ULK4: variants seen among roughly 807,000 people sequenced by gnomAD.
The protein encoded by ULK4 is inactive serine/threonine-protein kinase ULK4.
Under a neutral mutation model 160.6 loss-of-function variants are expected in ULK4, and 133 were observed. The ratio of observed to expected loss-of-function variants is 0.83; its 90% confidence interval spans 0.72 to 0.96. The LOEUF is 0.96. Ranked by LOEUF, ULK4 falls within the 40% of genes least tolerant of loss-of-function variation. The pLI is 0.00. For missense variants in ULK4, 1,580 were observed against 1,499.5 expected (o/e 1.05, Z -0.89); for synonymous variants, 534 against 539.8 (o/e 0.99, Z 0.15).
intron 27 of ULK4, among the ~76,000 whole-genome samples, chr3:41,684,645 C>T (rs901378092): frequency 1.3e-5 from 2 of 152,190 alleles, no homozygotes; most frequent in Non-Finnish European, 2.9e-5. Flanking sequence ...GGGCTTTTGT[C>T]ATCTTTTGCT....
In ULK4 at chr3:41,668,192, T is replaced by C. The variant is rs73828209; in HGVS notation, c.2979-4493A>G. Among the ~76,000 whole-genome samples, 13 of 152,216 alleles carry C rather than the reference T, an allele frequency of 8.5e-5. No homozygotes were observed. The East Asian group carries it at 1.5e-3, about 18-fold the overall frequency. Reference sequence around the variant, plus strand: ...TCTCAACAGAGTGTGCTCTGAGAATTTGAAGGAGTGATTCCAGAATAATCA... The same window carrying C: ...TCTCAACAGAGTGTGCTCTGAGAATCTGAAGGAGTGATTCCAGAATAATCA... On this transcript the variant is annotated intron_variant, in intron 29 of 36. Coordinates refer to ENST00000301831, the MANE Select transcript of ULK4 (RefSeq NM_017886.4).
At chr3:41,494,490 AC>A (rs1173221558) in intron 32 of ULK4, among the ~76,000 whole-genome samples, 1 of 150,024 alleles carries the variant, frequency 6.7e-6, no homozygotes, top group Non-Finnish European at 1.5e-5. Context: ...ATGGGCAAAA[AC>A]TGGAAGCATT....
chr3:41,391,096 G>A (rs145132601), intron 35 of ULK4, among the ~76,000 whole-genome samples: 41 of 151,882 alleles, frequency 2.7e-4, no homozygotes, highest in Middle Eastern at 3.4e-3. Context: ...CATATTTATC[G>A]TCCAGGTCCA....
chr3:41,900,239 C>A (rs1698304408), intron 13 of ULK4, among the ~76,000 whole-genome samples: 1 of 152,128 alleles, frequency 6.6e-6, no homozygotes, highest in Non-Finnish European at 1.5e-5. Flanking sequence ...CCCATCGTCT[C>A]CCCTGCAGTC....
At chr3:41,664,851 A>T (rs1319933094) in intron 29 of ULK4, among the ~76,000 whole-genome samples, 1 of 152,216 alleles carries the variant, frequency 6.6e-6, no homozygotes, top group Non-Finnish European at 1.5e-5. Context: ...ACCAAAGAGA[A>T]TAAAACTCAA....
intron 32 of ULK4, among the ~76,000 whole-genome samples, chr3:41,531,530 A>G (rs1175416886): frequency 6.6e-6 from 1 of 151,730 alleles, no homozygotes; most frequent in African/African-American, 2.4e-5. Context: ...AAAAGAAAAA[A>G]AAAAGAAATA....
At chr3:41,460,758 C>A (rs1244995472) in intron 33 of ULK4, among the ~76,000 whole-genome samples, 1 of 152,108 alleles carries the variant, frequency 6.6e-6, no homozygotes, top group African/African-American at 2.4e-5. Flanking sequence ...GTCACCTTCA[C>A]CGGGCCAGGT....
chr3:41,566,275 T>C, intron 31 of ULK4, 145 bp from the exon 32 acceptor site: 4 of 678,132 alleles, frequency 5.9e-6, no homozygotes, highest in Non-Finnish European at 7.4e-6. Flanking sequence ...AGCACATCCT[T>C]CTATGTTAAG....
chr3:41,835,582 C>A (rs1575797955), intron 18 of ULK4, among the ~76,000 whole-genome samples: 1 of 152,274 alleles, frequency 6.6e-6, no homozygotes, highest in South Asian at 2.1e-4. Flanking sequence ...TTGGGAGTAC[C>A]TTAGGGACTT....
intron 17 of ULK4, among the ~76,000 whole-genome samples, chr3:41,852,499 G>A (rs2042240712): frequency 6.6e-6 from 1 of 151,948 alleles, no homozygotes; most frequent in South Asian, 2.1e-4. Context: ...CCTACTGAAA[G>A]GAACAAAAAA....
intron 35 of ULK4, among the ~76,000 whole-genome samples, chr3:41,274,475 T>A (rs1241672236): frequency 6.6e-6 from 1 of 152,158 alleles, no homozygotes; most frequent in Non-Finnish European, 1.5e-5. Context: ...CTGATACACA[T>A]CAGTTCAGTC....
At chr3:41,605,024 G>A (rs897417400) in intron 31 of ULK4, among the ~76,000 whole-genome samples, 3 of 151,982 alleles carry the variant, frequency 2.0e-5, no homozygotes, top group Admixed American at 2.0e-4. Flanking sequence ...GATCCTTTAT[G>A]TTCAATGATC....
Position 41,506,767 on chromosome 3 carries a change from A to AAAAAAAAAAAAAAAAAAAAAAAAAAATAT in ULK4, c.3227-43515_3227-43514insATATTTTTTTTTTTTTTTTTTTTTTTTTT. Among the ~76,000 whole-genome samples the AAAAAAAAAAAAAAAAAAAAAAAAAAATAT allele has an allele frequency of 2.3e-4, 13 of 56,794 alleles. 1 individual carries two copies. The highest frequency in any genetic ancestry group is 4.3e-4 in the Admixed American group (2 of 4,640). The allele number at this position is 56,794 out of a possible 152,430, so 37.3% of individuals were successfully genotyped here. ...AGCAATACACTGGAGTGTGATTTAA[A>AAAAAAAAAAAAAAAAAAAAAAAAAAATAT]ATATATATATATATATATATATATA... On this transcript the variant is annotated intron_variant, in intron 32 of 36. Transcript: ENST00000301831.
intron 31 of ULK4, among the ~76,000 whole-genome samples, chr3:41,574,850 A>G (rs1239507239): frequency 1.3e-5 from 2 of 151,740 alleles, no homozygotes; most frequent in African/African-American, 2.4e-5. Context: ...CAGGCCCCAG[A>G]CTCCTCTTTC....
At chr3:41,680,154 T>G (rs1361046045) in intron 29 of ULK4, among the ~76,000 whole-genome samples, 1 of 152,104 alleles carries the variant, frequency 6.6e-6, no homozygotes. Context: ...TAAAGAAGGG[T>G]ATAATCTTTT....
intron 16 of ULK4, among the ~76,000 whole-genome samples, chr3:41,884,992 G>A (rs1455418658): frequency 2.0e-5 from 3 of 152,122 alleles, no homozygotes; most frequent in African/African-American, 7.2e-5. Flanking sequence ...AGCTAGCTGG[G>A]ACTGTAGGCA....
chr3:41,628,970 C>T (rs1393377167), intron 30 of ULK4, among the ~76,000 whole-genome samples: 1 of 152,164 alleles, frequency 6.6e-6, no homozygotes, highest in Non-Finnish European at 1.5e-5. Context: ...TTTAGGACTG[C>T]TTTGACCAAG....
chr3:41,732,422 C>T (rs949835060), intron 22 of ULK4, among the ~76,000 whole-genome samples: 3 of 152,192 alleles, frequency 2.0e-5, no homozygotes, highest in Admixed American at 6.5e-5. Flanking sequence ...GGTATCACCT[C>T]ACCCCAGTTA....
chr3:41,555,013 A>C (rs2087234823), intron 32 of ULK4, among the ~76,000 whole-genome samples: 1 of 152,188 alleles, frequency 6.6e-6, no homozygotes, highest in African/African-American at 2.4e-5. Flanking sequence ...TAAGGTATAC[A>C]TAAGGTAATA....
Sources: gnomAD v4.1 joint callset for allele counts (sites outside exome capture counted in the v4.1 genomes callset) on GRCh38, gnomAD v4.1.1 for gene constraint, MANE v1.5 for transcripts, NCBI Gene and HGNC (gene_info 2026-07-23, HGNC 2026-07-21) for gene names.